Variants in TMEM212 observed in about 807,000 individuals in gnomAD.
The protein encoded by TMEM212 is transmembrane protein 212.
A neutral mutation model predicts 20.5 loss-of-function variants in TMEM212; 23 were observed. The observed-to-expected ratio is 1.12, with a 90% CI of 0.81 to 1.59. The LOEUF (loss-of-function observed/expected upper bound fraction) is 1.59, where lower values mean the gene tolerates loss of function less well. Among genes scored for constraint, TMEM212 ranks in the 40% most tolerant of loss-of-function variants. The probability of loss-of-function intolerance (pLI) is 0.00; values close to 1 mark genes in which losing one functional copy is unlikely to be tolerated. For synonymous variants in TMEM212, 76 were observed against 81.6 expected, an observed-to-expected ratio of 0.93 and a Z score of 0.37; for missense variants, 211 against 215.0, an observed-to-expected ratio of 0.98 and a Z score of 0.12.
At chr3:171,851,023 C>T (rs1225313238) in intron 1 of TMEM212, among the ~76,000 whole-genome samples, 1 of 152,114 alleles carries the variant, frequency 6.6e-6, no homozygotes, top group Non-Finnish European at 1.5e-5. Flanking sequence ...TTTTTTTCCT[C>T]CTTAACTTTG....
At chr3:171,851,163 C>A (rs1177637076) in intron 1 of TMEM212, among the ~76,000 whole-genome samples, 1 of 152,206 alleles carries the variant, frequency 6.6e-6, no homozygotes, top group African/African-American at 2.4e-5. Context: ...CTCAAAAGAG[C>A]CATTAACCAA....
rs1724812714 is a variant in TMEM212 at position 171,845,613 on chromosome 3, A to G, written c.159+2071A>G. ...TTTACCAGTTAGGCCCGGAGAAATG[A>G]TATGATGTGTCTCCAGCACATAGTT... is the stretch of plus-strand genomic sequence containing the variant. On this transcript the variant is annotated intron_variant, in intron 1 of 4. Transcript: ENST00000334567. Among the ~76,000 whole-genome samples, 3 of 152,292 alleles carry G rather than the reference A, an allele frequency of 2.0e-5. No individual in the cohort carries two copies. In the South Asian group the frequency reaches 6.2e-4, roughly 32 times the overall value.
intron 1 of TMEM212, among the ~76,000 whole-genome samples, chr3:171,847,336 G>C (rs1724859335): frequency 6.6e-6 from 1 of 152,234 alleles, no homozygotes; most frequent in Non-Finnish European, 1.5e-5. Flanking sequence ...CCAGAGCCCT[G>C]CTTAGAGAAG....
chr3:171,855,412 A>G (rs1725091007), intron 3 of TMEM212, among the ~76,000 whole-genome samples: 1 of 152,190 alleles, frequency 6.6e-6, no homozygotes, highest in African/African-American at 2.4e-5. Context: ...CAGGAGTTCA[A>G]AACCAGCCTG....
intron 1 of TMEM212, among the ~76,000 whole-genome samples, chr3:171,850,991 C>A (rs1035740990): frequency 6.6e-6 from 1 of 152,192 alleles, no homozygotes; most frequent in African/African-American, 2.4e-5. Flanking sequence ...TACCACACAA[C>A]CATGTGGGTA....
intron 4 of TMEM212, among the ~76,000 whole-genome samples, chr3:171,857,491 C>A (rs1378410582): frequency 6.6e-6 from 1 of 152,094 alleles, no homozygotes. Flanking sequence ...CTTAGCACTG[C>A]TTTTTTTGGA....
At chr3:171,845,403 A>AT (rs1350936261) in intron 1 of TMEM212, among the ~76,000 whole-genome samples, 2 of 152,132 alleles carry the variant, frequency 1.3e-5, no homozygotes, top group Non-Finnish European at 2.9e-5. Context: ...ATTTCATTTA[A>AT]TTTTTTTAAA....
intron 1 of TMEM212, among the ~76,000 whole-genome samples, chr3:171,846,777 A>C (rs1437291113): frequency 2.0e-5 from 3 of 152,178 alleles, no homozygotes; most frequent in South Asian, 2.1e-4. Flanking sequence ...TTTACTAGTG[A>C]GTTTCCTACT....
At position 171,843,480 on chromosome 3, in the gene TMEM212, T is replaced by C. The variant is rs1724758637; in HGVS notation, c.97T>C (p.Tyr33His). ...TATTGCTTTCTTTCCTGTCTTTTCT[T>C]ACAAGCCTTGGTTCACAGGATGGAG... is the stretch of plus-strand genomic sequence containing the variant. ...GVIAFFPVFS[Y>H]KPWFTGWSVR... is the part of the protein sequence containing the mutation. Residue 33 changes from tyrosine (Y) to histidine (H), a missense_variant, in exon 1 of 5, where the codon TAC becomes CAC. Coordinates refer to ENST00000334567, the MANE Select transcript of TMEM212 (RefSeq NM_001164436.2). 4 of 1,537,186 alleles carry C rather than the reference T, an allele frequency of 2.6e-6. No individual in the cohort carries two copies. The East Asian group carries it at 7.3e-5, about 28-fold the overall frequency.
chr3:171,851,954 T>C, intron 1 of TMEM212, 28 bp from the exon 2 acceptor site: 1 of 1,533,324 alleles, frequency 6.5e-7, no homozygotes, highest in South Asian at 1.2e-5. Context: ...CTGTGGTGGA[T>C]GTTTATTTTT....
At chr3:171,844,900 A>ATC (rs1428258555) in intron 1 of TMEM212, among the ~76,000 whole-genome samples, 1 of 152,328 alleles carries the variant, frequency 6.6e-6, no homozygotes, top group African/African-American at 2.4e-5. Context: ...CAAGGTCTTC[A>ATC]TCTTAAAGGA....
At chr3:171,851,904 C>T in intron 1 of TMEM212, 78 bp from the exon 2 acceptor site, 1 of 1,313,558 alleles carries the variant, frequency 7.6e-7, no homozygotes, top group Non-Finnish European at 1.1e-6. Context: ...ATAAAGTTGT[C>T]AAACTGTGAG....
chr3:171,850,662 G>C (rs1201243027), intron 1 of TMEM212, among the ~76,000 whole-genome samples: 1 of 152,152 alleles, frequency 6.6e-6, no homozygotes, highest in Non-Finnish European at 1.5e-5. Flanking sequence ...TTGTTTTCTT[G>C]TACTATTTAT....
intron 2 of TMEM212, among the ~76,000 whole-genome samples, chr3:171,852,574 G>A (rs1725002452): frequency 6.6e-6 from 1 of 152,164 alleles, no homozygotes; most frequent in Admixed American, 6.6e-5. Flanking sequence ...TATTTGGGGA[G>A]GACAGAGCCT....
chr3:171,857,684 C>T (rs73032466), intron 4 of TMEM212, among the ~76,000 whole-genome samples: 2,606 of 152,244 alleles, frequency 0.017, 89 homozygotes, highest in African/African-American at 0.06. Context: ...TACAACTCAA[C>T]AGCAAGAAAT....
chr3:171,845,697 G>C (rs1344891032), intron 1 of TMEM212, among the ~76,000 whole-genome samples: 2 of 152,162 alleles, frequency 1.3e-5, no homozygotes, highest in Admixed American at 6.5e-5. Context: ...CAGAGATAAA[G>C]GATTTAGAGA....
chr3:171,854,991 A>G (rs1725080215), intron 3 of TMEM212, among the ~76,000 whole-genome samples: 1 of 152,190 alleles, frequency 6.6e-6, no homozygotes, highest in Non-Finnish European at 1.5e-5. Context: ...GGGGTTGTGT[A>G]ATTCAGTTGG....
intron 1 of TMEM212, among the ~76,000 whole-genome samples, chr3:171,844,744 T>C (rs557508881): frequency 2.6e-5 from 4 of 152,290 alleles, no homozygotes; most frequent in South Asian, 4.1e-4. Context: ...TTGTGTGAGA[T>C]AGTATCTTAA....
intron 2 of TMEM212, among the ~76,000 whole-genome samples, chr3:171,852,882 T>A (rs1057435158): frequency 4.6e-5 from 7 of 152,244 alleles, no homozygotes. Flanking sequence ...CTGGTTAAAA[T>A]GCAGATTCTG....
Sources: gnomAD v4.1 joint callset for allele counts (sites outside exome capture counted in the v4.1 genomes callset) on GRCh38, gnomAD v4.1.1 for gene constraint, MANE v1.5 for transcripts, NCBI Gene and HGNC (gene_info 2026-07-23, HGNC 2026-07-21) for gene names.